The following CAB39L variants were observed in gnomAD, a reference collection of about 807,000 sequenced individuals.
The protein encoded by CAB39L is calcium binding protein 39 like.
CAB39L carries 23 observed loss-of-function variants against 39.1 expected under a neutral mutation model. The observed-to-expected ratio is 0.59, with a 90% CI of 0.42 to 0.83. The LOEUF (loss-of-function observed/expected upper bound fraction) is 0.83. Ranked by LOEUF, CAB39L falls within the 40% of genes least tolerant of loss-of-function variation. The pLI, the probability that CAB39L is intolerant of heterozygous loss-of-function variation, is 0.00. For missense variants in CAB39L, 366 were observed against 391.9 expected, an observed-to-expected ratio of 0.93 and a Z score of 0.56; for synonymous variants, 126 against 137.2, an observed-to-expected ratio of 0.92 and a Z score of 0.57.
chr13:49,414,216 A>G (rs952759114), intron 3 of CAB39L: 3 of 152,268 alleles, frequency 2.0e-5, no homozygotes, highest in African/African-American at 7.2e-5. Flanking sequence ...AAAAAGAAGC[A>G]TAATGTTATA....
chr13:49,400,345 TCTC>T (rs1325509735), intron 3 of CAB39L, among the ~76,000 whole-genome samples: 1 of 151,938 alleles, frequency 6.6e-6, no homozygotes, highest in African/African-American at 2.4e-5. Context: ...TGGCATACAC[TCTC>T]CTATTTTAAG....
At chr13:49,412,213 C>T (rs1360606832) in intron 3 of CAB39L, among the ~76,000 whole-genome samples, 2 of 151,800 alleles carry the variant, frequency 1.3e-5, no homozygotes, top group Non-Finnish European at 1.5e-5. Context: ...TTTTGTTTTG[C>T]TATCTTATAA....
intron 1 of CAB39L, among the ~76,000 whole-genome samples, chr13:49,441,066 A>G (rs770971938): frequency 9.2e-5 from 14 of 151,748 alleles, no homozygotes; most frequent in African/African-American, 2.2e-4. Context: ...GGTTCTTTCA[A>G]AGATTTCATC....
At chr13:49,409,262 G>A (rs1013799871) in intron 3 of CAB39L, among the ~76,000 whole-genome samples, 3 of 152,112 alleles carry the variant, frequency 2.0e-5, no homozygotes, top group African/African-American at 7.2e-5. Flanking sequence ...ACTCTGCCAT[G>A]CCATGCCTAG....
chr13:49,336,662 T>G (rs1243551337), intron 9 of CAB39L, among the ~76,000 whole-genome samples: 1 of 152,212 alleles, frequency 6.6e-6, no homozygotes, highest in African/African-American at 2.4e-5. Flanking sequence ...ACTTCCTATA[T>G]GCTGGACCTT....
At chr13:49,376,903 A>ATAGATAGATAGG (rs1224732422) in intron 5 of CAB39L, 64 bp downstream of exon 5, 1 of 1,278,900 alleles carries the variant, frequency 7.8e-7, no homozygotes, top group African/African-American at 1.5e-5. Flanking sequence ...AGATAGATAG[A>ATAGATAGATAGG]TAGATAGATA....
chr13:49,396,638 G>A (rs1273395692), intron 3 of CAB39L, among the ~76,000 whole-genome samples: 1 of 152,088 alleles, frequency 6.6e-6, no homozygotes, highest in Non-Finnish European at 1.5e-5. Context: ...AACCCAGAAG[G>A]CGGAGGTTGC....
chr13:49,428,124 C>T (rs779667984), intron 3 of CAB39L, among the ~76,000 whole-genome samples: 2 of 152,226 alleles, frequency 1.3e-5, no homozygotes, highest in Non-Finnish European at 2.9e-5. Context: ...TAACAATTAT[C>T]CAAAACTTGT....
At chr13:49,397,311 A>C (rs1956662860) in intron 3 of CAB39L, among the ~76,000 whole-genome samples, 1 of 152,128 alleles carries the variant, frequency 6.6e-6, no homozygotes. Flanking sequence ...TGTTTTTATA[A>C]GTTTTATTAA....
At chr13:49,407,861 CAA>C (rs35392956) in intron 3 of CAB39L, among the ~76,000 whole-genome samples, 1 of 114,056 alleles carries the variant, frequency 8.8e-6, no homozygotes. Flanking sequence ...GACCCCGTCT[CAA>C]AAAAAAAAAA....
At chr13:49,352,726 C>T (rs140505267) in intron 6 of CAB39L, among the ~76,000 whole-genome samples, 2 of 152,130 alleles carry the variant, frequency 1.3e-5, no homozygotes, top group East Asian at 1.9e-4. Context: ...GAAAGTTAAG[C>T]GAGACTCTGT....
intron 5 of CAB39L, among the ~76,000 whole-genome samples, chr13:49,363,234 C>A (rs1360629825): frequency 6.6e-6 from 1 of 152,144 alleles, no homozygotes; most frequent in Non-Finnish European, 1.5e-5. Flanking sequence ...GTAAACTACT[C>A]TTGTCTTAAG....
chr13:49,359,962 G>A (rs1014630542), intron 5 of CAB39L, 130 bp from the exon 6 acceptor site: 12 of 565,374 alleles, frequency 2.1e-5, no homozygotes, highest in Non-Finnish European at 2.8e-5. Context: ...GCAAAAAAAC[G>A]TTAACTTACT....
chr13:49,337,472 G>T (rs1206452850), intron 9 of CAB39L, among the ~76,000 whole-genome samples: 1 of 152,072 alleles, frequency 6.6e-6, no homozygotes, highest in Non-Finnish European at 1.5e-5. Flanking sequence ...TGGCCACATG[G>T]CTGCTTCCAG....
At chr13:49,313,777 C>G (rs1282981518) in intron 10 of CAB39L, among the ~76,000 whole-genome samples, 2 of 152,164 alleles carry the variant, frequency 1.3e-5, no homozygotes, top group African/African-American at 4.8e-5. Flanking sequence ...GCCTGGCACC[C>G]CCTCTGCCCA....
rs114379302 is a variant in CAB39L, at chr13:49,410,602, G to A, written c.-32+22716C>T. Among the ~76,000 whole-genome samples the A allele has an allele frequency of 6.1e-3, 926 of 152,320 alleles. 12 individuals carry two copies. Among genetic ancestry groups the A allele is most frequent in the African/African-American group, 0.021 (881 of 41,564 alleles). ...GGACAAAGAAAGAAGCAGGCTGAGTGAAGGGACAGAAAACCTTGAGTTATA... is the reference window on the plus strand; with the variant it reads ...GGACAAAGAAAGAAGCAGGCTGAGTAAAGGGACAGAAAACCTTGAGTTATA... On this transcript the variant is annotated intron_variant, in intron 3 of 10. Transcript: ENST00000409308.
intron 3 of CAB39L, among the ~76,000 whole-genome samples, chr13:49,422,733 C>T (rs960754307): frequency 5.3e-5 from 8 of 152,090 alleles, no homozygotes; most frequent in South Asian, 2.1e-4. Flanking sequence ...TAAATGCACC[C>T]GGCTTCCCTT....
At chr13:49,385,915 C>A (rs1250094149) in intron 3 of CAB39L, among the ~76,000 whole-genome samples, 1 of 146,352 alleles carries the variant, frequency 6.8e-6, no homozygotes. Flanking sequence ...CAAAATGTAT[C>A]AAGAGATACA....
chr13:49,361,915 G>A (rs1419410571), intron 5 of CAB39L, among the ~76,000 whole-genome samples: 1 of 152,030 alleles, frequency 6.6e-6, no homozygotes, highest in Non-Finnish European at 1.5e-5. Flanking sequence ...CTTACTGAGT[G>A]CTTACTCTGT....
Sources: gnomAD v4.1 joint callset for allele counts (sites outside exome capture counted in the v4.1 genomes callset) on GRCh38, gnomAD v4.1.1 for gene constraint, MANE v1.5 for transcripts, NCBI Gene and HGNC (gene_info 2026-07-23, HGNC 2026-07-21) for gene names.